The following RBM8A variants were observed in gnomAD, a reference collection of about 807,000 sequenced individuals.
RBM8A encodes the protein RNA-binding protein 8A.
RBM8A carries 8 observed loss-of-function variants against 25.1 expected under a neutral mutation model. The ratio of observed to expected loss-of-function variants is 0.32; its 90% CI spans 0.19 to 0.58. RBM8A has a LOEUF of 0.58. Ranked by LOEUF, RBM8A falls within the 20% of genes least tolerant of loss-of-function variation. The pLI, the probability that RBM8A is intolerant of heterozygous loss-of-function variation, is 0.88. For missense variants in RBM8A, 114 were observed against 236.8 expected, an observed-to-expected ratio of 0.48 and a Z score of 3.40; for synonymous variants, 66 against 80.0, an observed-to-expected ratio of 0.82 and a Z score of 0.94.
chr1:145,926,652 A>G (rs782778124), intron 3 of RBM8A, 34 bp from the exon 4 acceptor site: 7 of 1,613,468 alleles, frequency 4.3e-6, no homozygotes, highest in Non-Finnish European at 5.9e-6. Context: ...GTATGAGTAC[A>G]TGAGAGACAC....
chr1:145,926,557 T>C lies in RBM8A; in HGVS notation c.267A>G (p.Ile89Met). The change falls in exon 4 of 6, where the codon ATA becomes ATG. Residue 89 changes from isoleucine to methionine, a missense_variant. Ile to Met is a conservative substitution (Grantham distance 10). This residue lies in a region of RBM8A where 102 missense variants were observed against 182.7 expected (regional missense o/e 0.56). Transcript: ENST00000583313. Reference protein sequence around the residue: ...GVHEEATEEDIHDKFAEYGEI... With the variant: ...GVHEEATEEDMHDKFAEYGEI... ...CCCCATATTCTGCGAATTTGTCGTG[T>C]ATGTCTTCTTCGGTGGCTTCCTCAT... 2 of 1,614,174 alleles carry C rather than the reference T, an allele frequency of 1.2e-6. No homozygotes were observed. Among genetic ancestry groups the C allele is most frequent in the Admixed American group, 1.7e-5 (1 of 60,008 alleles).
rs1284848472 is a variant in RBM8A at position 145,924,179 on chromosome 1, T to C, written c.*1703A>G. On this transcript the variant is annotated 3_prime_UTR_variant, in exon 6 of 6. Coordinates refer to ENST00000583313, the MANE Select transcript of RBM8A (RefSeq NM_005105.5). ...GCTGTTCCTGTTCCACACGGTCCAC[T>C]GAGCTGGCCCAGTCCCTTTCACTCA... is the stretch of plus-strand genomic sequence containing the variant. The C allele has an allele frequency of 3.4e-5, 24 of 699,390 alleles. No individual in the cohort carries two copies. The highest frequency in any genetic ancestry group is 7.0e-5 in the African/African-American group (4 of 56,892). The allele number at this position is 699,390 out of a possible 1,614,324, so 43.3% of individuals were successfully genotyped here.
chr1:145,926,644 A>G (rs1409112004), intron 3 of RBM8A, 26 bp from the exon 4 acceptor site: 5 of 1,613,296 alleles, frequency 3.1e-6, no homozygotes, highest in Non-Finnish European at 4.2e-6. Context: ...GGGAAGTTGT[A>G]TGAGTACATG....
chr1:145,923,486 A>C lies in RBM8A; in HGVS notation c.*2396T>G, dbSNP rs1269145250. On this transcript the variant is annotated 3_prime_UTR_variant, in exon 6 of 6. Coordinates refer to ENST00000583313, the MANE Select transcript of RBM8A (RefSeq NM_005105.5). ...CTTTCCCAAATGCCTTGTATCTAGG[A>C]ATCTGATGCCTACTGAGCTTACCTT... The C allele has an allele frequency of 6.2e-6, 1 of 160,266 alleles. No individual in the cohort carries two copies. The highest frequency in any genetic ancestry group is 2.4e-5 in the African/African-American group (1 of 41,840). 9.9% of individuals were successfully genotyped at this position (160,266 alleles called of 1,614,324 possible).
Position 145,922,484 on chromosome 1 carries a change from G to A in RBM8A, c.*3398C>T, listed in dbSNP as rs1553755098. ...TTTGGCTAAGGCACTTGAAATCCAT[G>A]GGCCACAAGATGATGCAATGGGAAA... On this transcript the variant is annotated 3_prime_UTR_variant, in exon 6 of 6. Transcript: ENST00000583313. The A allele has an allele frequency of 6.6e-6, 1 of 152,116 alleles. No homozygotes were observed. Among genetic ancestry groups the A allele is most frequent in the Non-Finnish European group, 1.5e-5 (1 of 68,032 alleles). 9.4% of individuals were successfully genotyped at this position (152,116 alleles called of 1,614,324 possible).
In RBM8A at chr1:145,924,091, G is replaced by A. The variant is rs1343167679; in HGVS notation, c.*1791C>T. ...AGGATGAATTGGGAGGAGACAGTATGACATAGGTGGGTAGGTTGGGTGGTG... is the reference window on the plus strand; with the variant it reads ...AGGATGAATTGGGAGGAGACAGTATAACATAGGTGGGTAGGTTGGGTGGTG... On this transcript the variant is annotated 3_prime_UTR_variant, in exon 6 of 6. Coordinates refer to ENST00000583313, the MANE Select transcript of RBM8A (RefSeq NM_005105.5). 2.5e-5 allele frequency: 18 copies of A among 712,596 alleles called. No individual in the cohort carries two copies. Among genetic ancestry groups the A allele is most frequent in the Non-Finnish European group, 4.7e-5 (18 of 382,338 alleles). The allele number at this position is 712,596 out of a possible 1,614,324, so 44.1% of individuals were successfully genotyped here. A position where few individuals can be genotyped will look rare whatever the true frequency, so the allele number is the denominator to read the frequency against.
At position 145,924,798 on chromosome 1, in the gene RBM8A, A is replaced by G. The variant is rs1553755537; in HGVS notation, c.*1084T>C. 2.8e-6 allele frequency: 1 copy of G among 351,906 alleles called. No individual in the cohort carries two copies. Among genetic ancestry groups the G allele is most frequent in the Non-Finnish European group, 5.7e-6 (1 of 175,898 alleles). The allele number at this position is 351,906 out of a possible 1,614,324, so 21.8% of individuals were successfully genotyped here. A position where few individuals can be genotyped will look rare whatever the true frequency, so the allele number is the denominator to read the frequency against. ...AAGCTGAGTGTCTGAATTACAGTAT[A>G]TTTTCTAAATTCCTAGCCCCTGCTG... is the stretch of plus-strand genomic sequence containing the variant. On this transcript the variant is annotated 3_prime_UTR_variant, in exon 6 of 6. Coordinates refer to ENST00000583313, the MANE Select transcript of RBM8A (RefSeq NM_005105.5).
chr1:145,926,107 T>C lies in RBM8A; in HGVS notation c.413A>G (p.Asp138Gly). The C allele has an allele frequency of 2.5e-6, 4 of 1,614,220 alleles. No homozygotes were observed. Among genetic ancestry groups the C allele is most frequent in the Non-Finnish European group, 3.4e-6 (4 of 1,180,028 alleles). ...QAAMEGLNGQDLMGQPISVDW... is the reference protein window; with the variant it reads ...QAAMEGLNGQGLMGQPISVDW... Reference sequence around the variant, plus strand: ...AACGCTGATGGGCTGTCCCATCAAATCCTGGCCATTGAGTCCCTCCATAGC... The same window carrying C: ...AACGCTGATGGGCTGTCCCATCAAACCCTGGCCATTGAGTCCCTCCATAGC... Residue 138 changes from aspartate (D) to glycine (G), a missense_variant, in exon 5 of 6, where the codon GAT (aspartate) becomes GGT (glycine). Physicochemically the swap from Asp to Gly is moderately conservative, Grantham distance 94. Transcript: ENST00000583313.
rs781925590 is a variant in RBM8A at position 145,926,897 on chromosome 1, C to T, written c.128-11G>A. 16 of 1,613,896 alleles carry T rather than the reference C, an allele frequency of 9.9e-6. No individual in the cohort carries two copies. The highest frequency in any genetic ancestry group is 1.4e-5 in the Non-Finnish European group (16 of 1,180,022). On this transcript the variant is annotated splice_polypyrimidine_tract_variant and intron_variant, in intron 2 of 5. Transcript: ENST00000583313. ...CTCGGGACCCCTCTTCTATAAGGGA[C>T]ATACACGAGATCACCGAAAACTCCT...
chr1:145,923,944 C>T lies in RBM8A; in HGVS notation c.*1938G>A. 1.7e-6 allele frequency: 1 copy of T among 599,022 alleles called. No homozygotes were observed. The allele number at this position is 599,022 out of a possible 1,614,324, so 37.1% of individuals were successfully genotyped here. A position where few individuals can be genotyped will look rare whatever the true frequency, so the allele number is the denominator to read the frequency against. ...TAAGTTCCAAGATTTAACAAACTTA[C>T]TGTTCAGCATCATATTCAAGCCTAA... On this transcript the variant is annotated 3_prime_UTR_variant, in exon 6 of 6. Coordinates refer to ENST00000583313, the MANE Select transcript of RBM8A (RefSeq NM_005105.5).
In RBM8A at chr1:145,927,022, G is replaced by A; in HGVS notation, c.123C>T (p.Gly41=). The A allele has an allele frequency of 1.9e-6, 3 of 1,614,144 alleles. No individual in the cohort carries two copies. The highest frequency in any genetic ancestry group is 2.5e-6 in the Non-Finnish European group (3 of 1,180,032). Residue 41 remains glycine (G), a synonymous_variant, in exon 2 of 6, where the codon GGC becomes GGT. Transcript: ENST00000583313. ...CCCCATTTTCCCCACACTCACCGGAGCCAAAGCCGCGACCCTTCCGTTTCT... is the reference window on the plus strand; with the variant it reads ...CCCCATTTTCCCCACACTCACCGGAACCAAAGCCGCGACCCTTCCGTTTCT... ...KAKKRKGRGF[G]SEEGSRARMR...
chr1:145,926,720 T>C, intron 3 of RBM8A, 89 bp downstream of exon 3: 1 of 1,613,704 alleles, frequency 6.2e-7, no homozygotes, highest in Admixed American at 1.7e-5. Context: ...AAGCTATCTC[T>C]GAACCCATTC....
In RBM8A at chr1:145,922,609, G is replaced by C. The variant is rs1272499185; in HGVS notation, c.*3273C>G. ...TTGTGACATGATACATGTGCGAAAG[G>C]TGATTTTTTTTGTTCCAAATTAGTA... On this transcript the variant is annotated 3_prime_UTR_variant, in exon 6 of 6. Coordinates refer to ENST00000583313, the MANE Select transcript of RBM8A (RefSeq NM_005105.5). 1 of 152,164 alleles carries C rather than the reference G, an allele frequency of 6.6e-6. No individual in the cohort carries two copies. Among genetic ancestry groups the C allele is most frequent in the Non-Finnish European group, 1.5e-5 (1 of 68,020 alleles). The allele number at this position is 152,164 out of a possible 1,614,324, so 9.4% of individuals were successfully genotyped here. A position where few individuals can be genotyped will look rare whatever the true frequency, so the allele number is the denominator to read the frequency against.
chr1:145,921,832 C>T lies in RBM8A; in HGVS notation c.*4050G>A, dbSNP rs1553754991. On this transcript the variant is annotated 3_prime_UTR_variant, in exon 6 of 6. Transcript: ENST00000583313. ...AGGCCAAGAAGGGTCTAGGATTTAT[C>T]TCTGGAATGACAATGCATTATACTG... 1 of 152,964 alleles carries T rather than the reference C, an allele frequency of 6.5e-6. No individual in the cohort carries two copies. The highest frequency in any genetic ancestry group is 2.4e-5 in the African/African-American group (1 of 41,530). 9.5% of individuals were successfully genotyped at this position (152,964 alleles called of 1,614,324 possible). A position where few individuals can be genotyped will look rare whatever the true frequency, so the allele number is the denominator to read the frequency against.
rs1553755815 is a variant in RBM8A, at chr1:145,926,084, C to T, written c.436G>A (p.Val146Ile). Residue 146 changes from valine to isoleucine, a missense_variant, in exon 5 of 6, where the codon GTT (valine) becomes ATT (isoleucine). By Grantham distance (29) the Val-to-Ile change is conservative (BLOSUM62 3). This residue lies in a region of RBM8A where 102 missense variants were observed against 182.7 expected (regional missense o/e 0.56). Coordinates refer to ENST00000583313, the MANE Select transcript of RBM8A (RefSeq NM_005105.5). ...GQDLMGQPIS[V>I]DWCFVRGPPK... ...GGACCCCGAACAAAACACCAGTCAA[C>T]GCTGATGGGCTGTCCCATCAAATCC... 11 of 1,614,106 alleles carry T rather than the reference C, an allele frequency of 6.8e-6. No homozygotes were observed. The highest frequency in any genetic ancestry group is 2.7e-5 in the African/African-American group (2 of 74,930).
chr1:145,927,308 G>C, intron 1 of RBM8A, 52 bp downstream of exon 1: 1 of 1,577,164 alleles, frequency 6.3e-7, no homozygotes. Context: ...TCCTATTATA[G>C]CCTTCTCTCG....
At chr1:145,927,144 A>G in intron 1 of RBM8A, 67 bp from the exon 2 acceptor site, 7 of 1,584,774 alleles carry the variant, frequency 4.4e-6, no homozygotes, top group Non-Finnish European at 6.1e-6. Context: ...TCTCTTTCCC[A>G]ATACACTACC....
In RBM8A at chr1:145,925,669, G is replaced by A. The variant is rs1485816827; in HGVS notation, c.*213C>T. On this transcript the variant is annotated 3_prime_UTR_variant, in exon 6 of 6. Coordinates refer to ENST00000583313, the MANE Select transcript of RBM8A (RefSeq NM_005105.5). The stretch of plus-strand genomic sequence containing the variant: ...AAGTATCTTCACAATGATCCATACA[G>A]CCTTGCTATGCTTTAGAACTTTCAA... 1.7e-6 allele frequency: 1 copy of A among 581,856 alleles called. No homozygotes were observed. Among genetic ancestry groups the A allele is most frequent in the Non-Finnish European group, 3.1e-6 (1 of 326,700 alleles). 36.0% of individuals were successfully genotyped at this position (581,856 alleles called of 1,614,324 possible).
intron 1 of RBM8A, 101 bp downstream of exon 1, chr1:145,927,259 G>C (rs1570949135): frequency 6.7e-7 from 1 of 1,485,818 alleles, no homozygotes; most frequent in East Asian, 2.4e-5. Flanking sequence ...CCGGTTCCTC[G>C]ATTCCCATCC....
Sources: gnomAD v4.1 joint callset for allele counts on GRCh38, gnomAD v4.1.1 for gene constraint, gnomAD v4.1.1 regional missense constraint, MANE v1.5 for transcripts, NCBI Gene and HGNC (gene_info 2026-07-23, HGNC 2026-07-21) for gene names.